Variants in APC observed in about 807,000 individuals in gnomAD.
The protein encoded by APC is APC regulator of Wnt signaling pathway.
APC carries 72 observed loss-of-function variants against 247.0 expected under a neutral mutation model. The observed-to-expected ratio is 0.29, with a 90% confidence interval of 0.24 to 0.35. The LOEUF is 0.35. APC is among the 10% of genes least tolerant of loss of function. APC has a pLI of 1.00. For synonymous variants in APC, 1,254 were observed against 1,162.5 expected (o/e 1.08, Z -1.60); for missense variants, 3,400 against 3,360.7 (o/e 1.01, Z -0.29).
intron 7 of APC, among the ~76,000 whole-genome samples, chr5:112,796,706 TC>T (rs1398625365): frequency 6.6e-6 from 1 of 152,088 alleles, no homozygotes; most frequent in Non-Finnish European, 1.5e-5. Flanking sequence ...TTTTTGGCTT[TC>T]TACTGAAGTT....
chr5:112,707,551 G>C lies in APC; in HGVS notation c.-167G>C, dbSNP rs1278244063. ...ATGGCGGAGGGCAAGTAGCAAGGGG[G>C]CGGGGTGTGGCCGCCGGAAGCCTAG... On this transcript the variant is annotated 5_prime_UTR_variant, in exon 1 of 14. Coordinates refer to the APC transcript ENST00000507379. The C allele has an allele frequency of 3.5e-6, 2 of 570,258 alleles. No homozygotes were observed. Among genetic ancestry groups the C allele is most frequent in the Non-Finnish European group, 5.8e-6 (2 of 342,940 alleles). The allele number at this position is 570,258 out of a possible 1,614,324, so 35.3% of individuals were successfully genotyped here.
chr5:112,837,541 A>G lies in APC; in HGVS notation c.1959-12A>G. 1 of 1,605,120 alleles carries G rather than the reference A, an allele frequency of 6.2e-7. No homozygotes were observed. The highest frequency in any genetic ancestry group is 1.3e-5 in the African/African-American group (1 of 74,834). ...GTGACCTTAATTTTGTGATCTCTTG[A>G]TTTTATTTCAGGCAAATCCTAAGAG... On this transcript the variant is annotated splice_polypyrimidine_tract_variant and intron_variant, in intron 15 of 15. Coordinates refer to ENST00000257430, the MANE Select transcript of APC (RefSeq NM_000038.6).
Position 112,801,339 on chromosome 5 carries a change from C to A in APC, c.790C>A (p.Gln264Lys). The A allele has an allele frequency of 6.2e-7, 1 of 1,612,748 alleles. No homozygotes were observed. The highest frequency in any genetic ancestry group is 1.1e-5 in the South Asian group (1 of 90,962). Residue 264 changes from glutamine (Q) to lysine (K), a missense_variant, in exon 8 of 16, where the codon CAA (glutamine) becomes AAA (lysine). Coordinates refer to ENST00000257430, the MANE Select transcript of APC (RefSeq NM_000038.6). ...SHDAERQNEGQGVGEINMATS... is the reference protein window; with the variant it reads ...SHDAERQNEGKGVGEINMATS... ...TGATGCTGAGCGGCAGAATGAAGGT[C>A]AAGGAGTGGGAGAAATCAACATGGC...
At chr5:112,711,117 G>A (rs1400182506) in intron 1 of APC, among the ~76,000 whole-genome samples, 1 of 152,196 alleles carries the variant, frequency 6.6e-6, no homozygotes, top group Non-Finnish European at 1.5e-5. Context: ...TTGGTGTTAG[G>A]AACTGGGCAG....
chr5:112,812,419 A>G lies in APC; in HGVS notation c.835-3076A>G, dbSNP rs1762080153. 2.0e-5 allele frequency among the ~76,000 whole-genome samples: 3 copies of G among 152,108 alleles called. No individual in the cohort carries two copies. In the South Asian group the frequency reaches 6.2e-4, roughly 31 times the overall value. The stretch of plus-strand genomic sequence containing the variant: ...TCTCAGTCCCTCAGATCTATCCTTT[A>G]TTAGTTAGAACCAGAGTAAGCTCCT... On this transcript the variant is annotated intron_variant, in intron 8 of 15. Coordinates refer to ENST00000257430, the MANE Select transcript of APC (RefSeq NM_000038.6).
At position 112,801,638 on chromosome 5, in the gene APC, G is replaced by GT. The variant is rs59431836; in HGVS notation, c.834+263dup. On this transcript the variant is annotated intron_variant, in intron 8 of 15. Coordinates refer to ENST00000257430, the MANE Select transcript of APC (RefSeq NM_000038.6). ...TTTTAGTCTAAAATGATTGTGAGTA[G>GT]TTTTTTTTAATAACTCTAAGCTGCA... Among the ~76,000 whole-genome samples the GT allele has an allele frequency of 0.024, 3,682 of 151,778 alleles. 163 individuals are homozygous for GT. Among genetic ancestry groups the GT allele is most frequent in the African/African-American group, 0.085 (3,516 of 41,382 alleles).
intron 3 of APC, 46 bp downstream of exon 3, chr5:112,766,456 T>C: frequency 2.2e-6 from 3 of 1,368,830 alleles, no homozygotes; most frequent in Non-Finnish European, 3.1e-6. Flanking sequence ...AAGCTCAAAT[T>C]GTCATCTTTA....
Position 112,839,302 on chromosome 5 carries a change from ACAGAGTAGAAGTGGT to A in APC, c.3712_3726del (p.Ser1238_Gln1242del), listed in dbSNP as rs1765499328. The A allele has an allele frequency of 6.2e-7, 1 of 1,614,196 alleles. No homozygotes were observed. Among genetic ancestry groups the A allele is most frequent in the African/African-American group, 1.3e-5 (1 of 75,076 alleles). On this transcript the variant is annotated inframe_deletion, in exon 16 of 16. Coordinates refer to ENST00000257430, the MANE Select transcript of APC (RefSeq NM_000038.6). This position sits in a 1 kb window ranked among gnomAD's most constrained non-coding sequence, Gnocchi z 5.0. ...AGAATCAGCTCCATCCAAGTTCTGCACAGAGTAGAAGTGGTCAGCCTCAAAAGGCTGCCACTTGCA... is the reference window on the plus strand; with the variant it reads ...AGAATCAGCTCCATCCAAGTTCTGCACAGCCTCAAAAGGCTGCCACTTGCA...
At chr5:112,775,939 T>G (rs1038499208) in intron 5 of APC, among the ~76,000 whole-genome samples, 4 of 152,230 alleles carry the variant, frequency 2.6e-5, no homozygotes, top group Non-Finnish European at 5.9e-5. Context: ...TGTGCTCAAA[T>G]GTTTTATTTA....
chr5:112,742,478 A>G (rs1375515894), intron 1 of APC, among the ~76,000 whole-genome samples: 1 of 152,226 alleles, frequency 6.6e-6, no homozygotes, highest in African/African-American at 2.4e-5. Flanking sequence ...AGGATCTCTT[A>G]TGAAGTAGCA....
chr5:112,827,304 T>A (rs1763804943), intron 12 of APC, 57 bp downstream of exon 12: 1 of 1,581,636 alleles, frequency 6.3e-7, no homozygotes, highest in Non-Finnish European at 8.7e-7. Flanking sequence ...TAATTTACTT[T>A]CATACAAATA....
At position 112,838,960 on chromosome 5, in the gene APC, T is replaced by A. The variant is rs1765405918; in HGVS notation, c.3366T>A (p.Asn1122Lys). ...TNRVGSNHGI[N>K]QNVSQSLCQE... ...GAGTGGGTTCTAATCATGGAATTAA[T>A]CAAAATGTAAGCCAGTCTTTGTGTC... is the stretch of plus-strand genomic sequence containing the variant. The change falls in exon 16 of 16, where the codon AAT becomes AAA. Residue 1122 changes from asparagine to lysine, a missense_variant. Coordinates refer to ENST00000257430, the MANE Select transcript of APC (RefSeq NM_000038.6). 1 of 1,613,910 alleles carries A rather than the reference T, an allele frequency of 6.2e-7. No individual in the cohort carries two copies. The highest frequency in any genetic ancestry group is 2.2e-5 in the East Asian group (1 of 44,882).
chr5:112,790,901 A>AAC lies in APC; in HGVS notation c.646-1534_646-1533dup, dbSNP rs367650793. Among the ~76,000 whole-genome samples, 48 of 152,190 alleles carry AAC rather than the reference A, an allele frequency of 3.2e-4. No homozygotes were observed. The East Asian group carries it at 3.5e-3, about 11-fold the overall frequency. Reference sequence around the variant, plus strand: ...TTTGGAAATACTCCATCTAGCTTCTAACACACACACACCCCTTATTGAAAC... The same window carrying AAC: ...TTTGGAAATACTCCATCTAGCTTCTAACACACACACACACCCCTTATTGAAAC... On this transcript the variant is annotated intron_variant, in intron 6 of 15. Coordinates refer to ENST00000257430, the MANE Select transcript of APC (RefSeq NM_000038.6).
intron 8 of APC, among the ~76,000 whole-genome samples, chr5:112,802,494 A>G (rs1274107682): frequency 6.6e-6 from 1 of 152,122 alleles, no homozygotes; most frequent in African/African-American, 2.4e-5. Context: ...TTTACATAGG[A>G]ATAGATCTAC....
At chr5:112,744,374 A>G (rs948047037) in intron 1 of APC, among the ~76,000 whole-genome samples, 2 of 152,070 alleles carry the variant, frequency 1.3e-5, no homozygotes, top group East Asian at 1.9e-4. Context: ...TTACGTGTAT[A>G]TTTGTCTTTT....
chr5:112,760,359 G>A (rs745653017), intron 2 of APC, among the ~76,000 whole-genome samples: 2 of 152,174 alleles, frequency 1.3e-5, no homozygotes, highest in South Asian at 2.1e-4. Flanking sequence ...GACTAGAAAC[G>A]CAGAATGTTA....
Position 112,719,016 on chromosome 5 carries a change from G to A in APC, c.165+11134G>A, listed in dbSNP as rs144206564. 2.4e-3 allele frequency among the ~76,000 whole-genome samples: 368 copies of A among 152,176 alleles called. 1 individual carries two copies. Among genetic ancestry groups the A allele is most frequent in the African/African-American group, 8.3e-3 (345 of 41,538 alleles). ...GAGACAGAGGATATTTTGTATGACC[G>A]GAGAAGCAAAAAATACTTGTATGTG... On this transcript the variant is annotated intron_variant, in intron 1 of 13. Transcript: ENST00000507379.
chr5:112,811,475 C>A lies in APC; in HGVS notation c.835-4020C>A, dbSNP rs578242049. Among the ~76,000 whole-genome samples the A allele has an allele frequency of 6.6e-5, 10 of 152,314 alleles. No homozygotes were observed. The South Asian group carries it at 1.9e-3, about 28-fold the overall frequency. The stretch of plus-strand genomic sequence containing the variant: ...TAATAAAACGCCCAAGAAAGACTCT[C>A]ATGGACCAAGTTCTAGGCTCATAGA... On this transcript the variant is annotated intron_variant, in intron 8 of 15. Transcript: ENST00000257430.
At position 112,840,270 on chromosome 5, in the gene APC, C is replaced by T. The variant is rs878853448; in HGVS notation, c.4676C>T (p.Ser1559Phe). ...AAAGAGGCAGAAAAAACTATTGATTCTGAAAAGGACCTATTAGATGATTCA... is the reference window on the plus strand; with the variant it reads ...AAAGAGGCAGAAAAAACTATTGATTTTGAAAAGGACCTATTAGATGATTCA... Reference protein sequence around the residue: ...QEKEAEKTIDSEKDLLDDSDD... With the variant: ...QEKEAEKTIDFEKDLLDDSDD... Residue 1559 changes from serine to phenylalanine, a missense_variant, in exon 16 of 16, where the codon TCT (serine) becomes TTT (phenylalanine). Physicochemically the swap from Ser to Phe is radical, Grantham distance 155. This residue lies in a region of APC where 1,788 missense variants were observed against 1,649.5 expected (regional missense o/e 1.08). Coordinates refer to ENST00000257430, the MANE Select transcript of APC (RefSeq NM_000038.6). This position sits in a 1 kb window ranked among gnomAD's most constrained non-coding sequence, Gnocchi z 4.1. The T allele has an allele frequency of 6.2e-7, 1 of 1,614,100 alleles. No individual in the cohort carries two copies. The highest frequency in any genetic ancestry group is 1.1e-5 in the South Asian group (1 of 91,080).
Sources: allele counts gnomAD v4.1 joint callset (sites outside exome capture counted in the v4.1 genomes callset), GRCh38; gene constraint gnomAD v4.1.1; regional missense constraint gnomAD v4.1.1; non-coding constraint Gnocchi (gnomAD v3.1); transcripts MANE v1.5; gene names NCBI Gene and HGNC (gene_info 2026-07-23, HGNC 2026-07-21).